Variants in DCN observed in about 807,000 individuals in gnomAD.
DCN encodes the protein decorin.
A neutral mutation model predicts 36.5 loss-of-function variants in DCN; 17 were observed. The observed-to-expected ratio is 0.47, with a 90% CI of 0.32 to 0.70. DCN has a LOEUF of 0.70. DCN is among the 30% of genes least tolerant of loss of function. The probability of loss-of-function intolerance (pLI) is 0.04; values close to 1 mark genes in which losing one functional copy is unlikely to be tolerated. For missense variants in DCN, 389 were observed against 430.1 expected (o/e 0.90, Z 0.84); for synonymous variants, 163 against 161.4 (o/e 1.01, Z -0.07).
At chr12:91,174,633 A>G (rs1191517375) in intron 2 of DCN, among the ~76,000 whole-genome samples, 1 of 152,088 alleles carries the variant, frequency 6.6e-6, no homozygotes, top group East Asian at 1.9e-4. Flanking sequence ...ATATATTTCC[A>G]TTTATCAAAT....
intron 3 of DCN, among the ~76,000 whole-genome samples, chr12:91,160,187 CA>C (rs1403902113): frequency 6.6e-6 from 1 of 151,740 alleles, no homozygotes; most frequent in Non-Finnish European, 1.5e-5. Flanking sequence ...CATTAACAAA[CA>C]AAAAATCAGG....
chr12:91,168,027 T>C (rs1002116639), intron 2 of DCN, among the ~76,000 whole-genome samples: 5 of 152,096 alleles, frequency 3.3e-5, no homozygotes, highest in African/African-American at 1.2e-4. Flanking sequence ...AAGATGGAGT[T>C]TCACCGTGTT....
At position 91,158,203 on chromosome 12, in the gene DCN, T is replaced by C; in HGVS notation, c.538+93A>G. The C allele has an allele frequency of 7.3e-6, 6 of 819,316 alleles. No individual in the cohort carries two copies. The Admixed American group carries it at 8.9e-5, about 12-fold the overall frequency. The allele number at this position is 819,316 out of a possible 1,614,324, so 50.8% of individuals were successfully genotyped here. On this transcript the variant is annotated intron_variant, in intron 4 of 7. Transcript: ENST00000052754. ...ACATAGGCTCCAGGCATGTAGCTTGTAGCTAATTTACCTTCCTGCACTTAA... is the reference window on the plus strand; with the variant it reads ...ACATAGGCTCCAGGCATGTAGCTTGCAGCTAATTTACCTTCCTGCACTTAA...
At chr12:91,160,436 G>A (rs1050171903) in intron 3 of DCN, among the ~76,000 whole-genome samples, 6 of 151,842 alleles carry the variant, frequency 4.0e-5, no homozygotes, top group Admixed American at 2.6e-4. Context: ...ATTTATGTAG[G>A]TCTTACACTG....
intron 1 of DCN, among the ~76,000 whole-genome samples, chr12:91,178,959 G>C (rs1883461621): frequency 6.6e-6 from 1 of 152,056 alleles, no homozygotes; most frequent in African/African-American, 2.4e-5. Context: ...CCACATAGGA[G>C]ATCTCCAATT....
chr12:91,165,245 A>G (rs1472777041), intron 2 of DCN, among the ~76,000 whole-genome samples: 1 of 152,188 alleles, frequency 6.6e-6, no homozygotes, highest in Non-Finnish European at 1.5e-5. Flanking sequence ...TTTATCCAAC[A>G]TTTTGGGATA....
At chr12:91,166,441 G>A (rs1351966241) in intron 2 of DCN, among the ~76,000 whole-genome samples, 4 of 152,172 alleles carry the variant, frequency 2.6e-5, no homozygotes, top group African/African-American at 9.7e-5. Context: ...AGGAATGGTA[G>A]ATTTCTGCCA....
At chr12:91,156,763 T>A (rs1881805404) in intron 5 of DCN, among the ~76,000 whole-genome samples, 1 of 152,076 alleles carries the variant, frequency 6.6e-6, no homozygotes, top group South Asian at 2.1e-4. Flanking sequence ...TCTTTGTGAT[T>A]TTACAATATT....
chr12:91,157,263 C>A (rs1405563904), intron 4 of DCN, 75 bp from the exon 5 acceptor site: 2 of 1,019,474 alleles, frequency 2.0e-6, no homozygotes, highest in Non-Finnish European at 3.1e-6. Context: ...TCTGTTTCAG[C>A]AAGCAACCTA....
Position 91,178,605 on chromosome 12 carries a change from T to G in DCN, c.-33-20A>C. 5 of 1,493,706 alleles carry G rather than the reference T, an allele frequency of 3.3e-6. No homozygotes were observed. Among genetic ancestry groups the G allele is most frequent in the Non-Finnish European group, 4.7e-6 (5 of 1,071,094 alleles). The allele number at this position is 1,493,706 out of a possible 1,614,324, so 92.5% of individuals were successfully genotyped here. A position where few individuals can be genotyped will look rare whatever the true frequency, so the allele number is the denominator to read the frequency against. ...GGGAACCTAGGAAACAAATGAGAGA[T>G]TTAAGAAGAGTAGCACTGCCTAATC... is the stretch of plus-strand genomic sequence containing the variant. On this transcript the variant is annotated intron_variant, in intron 1 of 7. Transcript: ENST00000052754.
At chr12:91,174,247 G>A (rs1237327890) in intron 2 of DCN, among the ~76,000 whole-genome samples, 1 of 152,072 alleles carries the variant, frequency 6.6e-6, no homozygotes, top group Non-Finnish European at 1.5e-5. Context: ...TACATTTGGA[G>A]ATGATGTGGT....
intron 3 of DCN, among the ~76,000 whole-genome samples, chr12:91,161,271 A>G (rs1882136784): frequency 6.6e-6 from 1 of 152,216 alleles, no homozygotes; most frequent in Admixed American, 6.5e-5. Context: ...TTTAATGAGA[A>G]TGTCATGGAC....
At chr12:91,165,634 A>G (rs920341242) in intron 2 of DCN, among the ~76,000 whole-genome samples, 7 of 152,116 alleles carry the variant, frequency 4.6e-5, no homozygotes, top group Admixed American at 1.3e-4. Context: ...TCATTGTTTC[A>G]TATTGAAGTA....
chr12:91,172,168 T>G (rs1883002511), intron 2 of DCN: 1 of 152,106 alleles, frequency 6.6e-6, no homozygotes, highest in Non-Finnish European at 1.5e-5. Flanking sequence ...TTTATTTCCC[T>G]TCTTTTGGTT....
chr12:91,157,358 G>A (rs1881855381), intron 4 of DCN, among the ~76,000 whole-genome samples, 170 bp from the exon 5 acceptor site: 1 of 152,036 alleles, frequency 6.6e-6, no homozygotes, highest in African/African-American at 2.4e-5. Context: ...AGCAAAATAG[G>A]ATAAAAATTT....
rs545716941 is a variant in DCN, at chr12:91,149,598, G to A, written c.885+2056C>T. Among the ~76,000 whole-genome samples the A allele has an allele frequency of 9.7e-4, 148 of 152,248 alleles. No homozygotes were observed. The Middle Eastern group carries it at 0.024, about 24-fold the overall frequency. On this transcript the variant is annotated intron_variant, in intron 7 of 7. Coordinates refer to ENST00000052754, the MANE Select transcript of DCN (RefSeq NM_001920.5). Reference sequence around the variant, plus strand: ...CATTGCACTGGCGATTCCAGCCAATGCAAAGGGTGGGTTGTGGGGGAGGGG... The same window carrying A: ...CATTGCACTGGCGATTCCAGCCAATACAAAGGGTGGGTTGTGGGGGAGGGG...
chr12:91,162,270 A>C (rs950116605), intron 3 of DCN, among the ~76,000 whole-genome samples: 1 of 152,078 alleles, frequency 6.6e-6, no homozygotes, highest in Non-Finnish European at 1.5e-5. Context: ...TTCCTTGTAG[A>C]GTCTTAAAAT....
intron 2 of DCN, among the ~76,000 whole-genome samples, chr12:91,171,410 A>G (rs1290473043): frequency 6.6e-6 from 1 of 152,222 alleles, no homozygotes; most frequent in East Asian, 1.9e-4. Flanking sequence ...TAAATTTTCT[A>G]TCCTGCATGC....
chr12:91,172,981 T>C (rs1193589388), intron 2 of DCN: 1 of 442,490 alleles, frequency 2.3e-6, no homozygotes, highest in Non-Finnish European at 3.9e-6. Context: ...TAGATTACAG[T>C]AAAAAAGGCA....
Sources: allele counts gnomAD v4.1 joint callset (sites outside exome capture counted in the v4.1 genomes callset), GRCh38; gene constraint gnomAD v4.1.1; transcripts MANE v1.5; gene names NCBI Gene and HGNC (gene_info 2026-07-23, HGNC 2026-07-21).